Variants in PCDH15 observed in about 807,000 individuals in gnomAD.
The protein encoded by PCDH15 is protocadherin-15.
PCDH15 carries 129 observed loss-of-function variants against 178.5 expected under a neutral mutation model. The ratio of observed to expected loss-of-function variants is 0.72; its 90% CI spans 0.63 to 0.84. The LOEUF is 0.84. PCDH15 is among the 40% of genes least tolerant of loss of function. The probability of loss-of-function intolerance (pLI) is 0.00; values close to 1 mark genes in which losing one functional copy is unlikely to be tolerated. For synonymous variants in PCDH15, 800 were observed against 732.0 expected (o/e 1.09, Z -1.50); for missense variants, 2,230 against 2,099.9 (o/e 1.06, Z -1.21).
intron 2 of PCDH15, among the ~76,000 whole-genome samples, chr10:55,371,606 A>ACT (rs139163922): frequency 8.1e-5 from 12 of 147,490 alleles, no homozygotes; most frequent in African/African-American, 2.2e-4. Context: ...TTCCCCCATC[A>ACT]CTCTCTCTCT....
chr10:53,843,034 T>TA (rs1354179749), intron 28 of PCDH15, among the ~76,000 whole-genome samples: 3 of 151,954 alleles, frequency 2.0e-5, no homozygotes, highest in South Asian at 2.1e-4. Flanking sequence ...ATCATTTCAC[T>TA]AAAAAAAATA....
chr10:53,940,805 A>G, intron 24 of PCDH15, 61 bp downstream of exon 24: 1 of 1,234,664 alleles, frequency 8.1e-7, no homozygotes, highest in Non-Finnish European at 1.2e-6. Flanking sequence ...TTCAATCTGA[A>G]ATTAGGCCAA....
intron 2 of PCDH15, among the ~76,000 whole-genome samples, chr10:54,961,278 AC>A (rs1459565667): frequency 6.6e-6 from 1 of 152,078 alleles, no homozygotes; most frequent in Non-Finnish European, 1.5e-5. Context: ...CCACCATGGC[AC>A]CCTCCAGACT....
At chr10:53,971,653 CAG>C (rs563015941) in intron 21 of PCDH15, among the ~76,000 whole-genome samples, 1 of 152,062 alleles carries the variant, frequency 6.6e-6, no homozygotes. Flanking sequence ...AACAGACAAA[CAG>C]AGAGCTAAAT....
At chr10:53,967,724 T>C (rs2089195862) in intron 21 of PCDH15, among the ~76,000 whole-genome samples, 1 of 152,202 alleles carries the variant, frequency 6.6e-6, no homozygotes, top group Non-Finnish European at 1.5e-5. Context: ...ATAGAAAACA[T>C]TTAAAATCAA....
At chr10:54,685,474 G>A (rs571085784) in intron 1 of PCDH15, among the ~76,000 whole-genome samples, 1 of 152,204 alleles carries the variant, frequency 6.6e-6, no homozygotes, top group Non-Finnish European at 1.5e-5. Context: ...TTTCTGAGAT[G>A]ATGTTACAAG....
intron 3 of PCDH15, among the ~76,000 whole-genome samples, chr10:54,876,990 G>A (rs766245840): frequency 6.6e-6 from 1 of 152,086 alleles, no homozygotes; most frequent in Non-Finnish European, 1.5e-5. Context: ...ATCAATGCAG[G>A]AAACTTTATT....
chr10:54,823,310 T>C (rs1311481695), intron 3 of PCDH15, among the ~76,000 whole-genome samples: 3 of 152,130 alleles, frequency 2.0e-5, no homozygotes, highest in African/African-American at 4.8e-5. Flanking sequence ...TGCATGGCAG[T>C]AAACTGCTCC....
intron 2 of PCDH15, among the ~76,000 whole-genome samples, chr10:55,416,784 T>C (rs1589006374): frequency 6.6e-6 from 1 of 151,782 alleles, no homozygotes; most frequent in African/African-American, 2.4e-5. Flanking sequence ...GTTTCTGATA[T>C]ACAATTTCAT....
At chr10:54,839,618 C>A (rs1475439459) in intron 3 of PCDH15, among the ~76,000 whole-genome samples, 2 of 151,742 alleles carry the variant, frequency 1.3e-5, no homozygotes, top group African/African-American at 4.8e-5. Context: ...TGATAACATC[C>A]CAAATTTTGG....
intron 2 of PCDH15, among the ~76,000 whole-genome samples, chr10:54,984,784 C>T (rs976941824): frequency 2.6e-5 from 4 of 152,154 alleles, no homozygotes; most frequent in African/African-American, 4.8e-5. Context: ...CTGCAGTGAC[C>T]CACATTCATA....
intron 21 of PCDH15, among the ~76,000 whole-genome samples, chr10:53,984,082 A>G (rs1002903828): frequency 7.9e-4 from 112 of 141,800 alleles, no homozygotes; most frequent in African/African-American, 2.9e-3. Context: ...GCTCCCTCTT[A>G]TCTGGTTTCA....
At chr10:54,650,146 T>C (rs2094222953) in intron 2 of PCDH15, among the ~76,000 whole-genome samples, 1 of 152,118 alleles carries the variant, frequency 6.6e-6, no homozygotes, top group Non-Finnish European at 1.5e-5. Flanking sequence ...TGGAGAACAA[T>C]AAATAAATTA....
At chr10:55,552,234 T>C (rs1353738698) in intron 2 of PCDH15, among the ~76,000 whole-genome samples, 1 of 151,702 alleles carries the variant, frequency 6.6e-6, no homozygotes, top group East Asian at 1.9e-4. Flanking sequence ...TTTCTAATCA[T>C]TTAATAGAGT....
intron 2 of PCDH15, among the ~76,000 whole-genome samples, chr10:55,164,319 C>T (rs1310849132): frequency 1.3e-5 from 2 of 150,624 alleles, no homozygotes; most frequent in African/African-American, 4.9e-5. Context: ...TTTAAATATT[C>T]TTTTTGGTCA....
intron 2 of PCDH15, among the ~76,000 whole-genome samples, chr10:54,586,416 C>CATTAGCTAATGGATAT (rs2091470838): frequency 2.0e-5 from 3 of 152,124 alleles, no homozygotes; most frequent in Admixed American, 2.0e-4. Flanking sequence ...AATAATAATC[C>CATTAGCTAATGGATAT]ATTAGCTAAT....
At chr10:54,967,631 T>C (rs533125151) in intron 2 of PCDH15, among the ~76,000 whole-genome samples, 1 of 152,292 alleles carries the variant, frequency 6.6e-6, no homozygotes, top group South Asian at 2.1e-4. Flanking sequence ...ATATTTGGGT[T>C]GTTTCCATTT....
At chr10:55,170,439 G>A (rs1591961451) in intron 1 of PCDH15, among the ~76,000 whole-genome samples, 1 of 152,084 alleles carries the variant, frequency 6.6e-6, no homozygotes, top group South Asian at 2.1e-4. Context: ...ATGAGCCACC[G>A]TGCCAGCCTT....
At chr10:54,361,066 G>A (rs1373512616) in intron 5 of PCDH15, among the ~76,000 whole-genome samples, 2 of 151,964 alleles carry the variant, frequency 1.3e-5, no homozygotes, top group Non-Finnish European at 2.9e-5. Flanking sequence ...AAAAGAAGGT[G>A]GTAAAAACAA....
Sources: allele counts gnomAD v4.1 joint callset (sites outside exome capture counted in the v4.1 genomes callset), GRCh38; gene constraint gnomAD v4.1.1; transcripts MANE v1.5; gene names NCBI Gene and HGNC (gene_info 2026-07-23, HGNC 2026-07-21).